Variants in NME7 observed in about 807,000 individuals in gnomAD.
NME7 encodes the protein nucleoside diphosphate kinase 7.
In NME7, 41 loss-of-function variants were observed where a neutral mutation model predicts 49.1. The ratio of observed to expected loss-of-function variants is 0.83; its 90% CI spans 0.65 to 1.08. NME7 has a LOEUF of 1.08. NME7 is among the 50% of genes least tolerant of loss of function. The pLI is 0.00. For missense variants in NME7, 423 were observed against 463.4 expected (o/e 0.91, Z 0.80); for synonymous variants, 139 against 150.6 (o/e 0.92, Z 0.56).
At chr1:169,218,318 T>G (rs1451563891) in intron 10 of NME7, among the ~76,000 whole-genome samples, 1 of 152,124 alleles carries the variant, frequency 6.6e-6, no homozygotes, top group East Asian at 1.9e-4. Context: ...CTGGACCAGG[T>G]GCAGTGACTC....
At chr1:169,321,589 G>A (rs529179592) in intron 3 of NME7, among the ~76,000 whole-genome samples, 16 of 152,046 alleles carry the variant, frequency 1.1e-4, no homozygotes, top group Non-Finnish European at 1.8e-4. Context: ...TGAAATTTCT[G>A]TCCTATTTCA....
chr1:169,253,003 C>G lies in NME7; in HGVS notation c.755-15316G>C, dbSNP rs1190481731. ...TTTGAAGTCAGGTAGTGTGATGCTTCCAGCTTTGTTCTTTTGGCTTAGGAT... is the reference window on the plus strand; with the variant it reads ...TTTGAAGTCAGGTAGTGTGATGCTTGCAGCTTTGTTCTTTTGGCTTAGGAT... On this transcript the variant is annotated intron_variant, in intron 7 of 11. Coordinates refer to ENST00000367811, the MANE Select transcript of NME7 (RefSeq NM_013330.5). 4.0e-5 allele frequency among the ~76,000 whole-genome samples: 6 copies of G among 150,142 alleles called. No individual in the cohort carries two copies. The South Asian group carries it at 1.3e-3, about 31-fold the overall frequency.
intron 11 of NME7, among the ~76,000 whole-genome samples, chr1:169,167,998 T>G (rs1016105981): frequency 1.3e-5 from 2 of 152,140 alleles, no homozygotes; most frequent in Non-Finnish European, 2.9e-5. Context: ...TAACTGTCTC[T>G]CTGAAGTAAT....
chr1:169,345,994 T>C (rs929492291), intron 1 of NME7, among the ~76,000 whole-genome samples: 2 of 152,136 alleles, frequency 1.3e-5, no homozygotes, highest in African/African-American at 4.8e-5. Context: ...TCTCAGACCA[T>C]AGATCTAATT....
chr1:169,133,950 G>A (rs1322539716), intron 11 of NME7, among the ~76,000 whole-genome samples: 1 of 152,222 alleles, frequency 6.6e-6, no homozygotes, highest in Non-Finnish European at 1.5e-5. Flanking sequence ...CGACCTTGGT[G>A]AGACTTAACC....
At position 169,310,208 on chromosome 1, in the gene NME7, A is replaced by T. The variant is rs570427297; in HGVS notation, c.279-128T>A. On this transcript the variant is annotated intron_variant, in intron 3 of 11. Transcript: ENST00000367811. The stretch of plus-strand genomic sequence containing the variant: ...AAATTTGAAATTAATTGTATAGAAA[A>T]GTGTATTAAAGACATCCCTTAAAAA... The T allele has an allele frequency of 5.1e-6, 3 of 591,510 alleles. No homozygotes were observed. In the South Asian group the frequency reaches 6.6e-5, roughly 13 times the overall value. The allele number at this position is 591,510 out of a possible 1,614,324, so 36.6% of individuals were successfully genotyped here.
chr1:169,303,040 C>T (rs1309491377), intron 5 of NME7, 105 bp downstream of exon 5: 3 of 680,886 alleles, frequency 4.4e-6, no homozygotes, highest in Non-Finnish European at 7.8e-6. Flanking sequence ...TTGCTATGGC[C>T]CTTTTGACAG....
At chr1:169,361,962 C>T (rs1332842360) in intron 1 of NME7, among the ~76,000 whole-genome samples, 1 of 152,030 alleles carries the variant, frequency 6.6e-6, no homozygotes, top group Non-Finnish European at 1.5e-5. Context: ...AATCCCAGCA[C>T]TTGGGGAAGC....
intron 11 of NME7, among the ~76,000 whole-genome samples, chr1:169,146,476 G>A (rs558213336): frequency 1.3e-5 from 2 of 152,278 alleles, no homozygotes; most frequent in South Asian, 4.1e-4. Context: ...AAATCAGGTG[G>A]TGTACCTAAG....
At chr1:169,211,676 A>C (rs557080818) in intron 10 of NME7, among the ~76,000 whole-genome samples, 1 of 152,302 alleles carries the variant, frequency 6.6e-6, no homozygotes, top group East Asian at 1.9e-4. Context: ...TGAGAGCAAC[A>C]ATGTGAAGAT....
intron 10 of NME7, among the ~76,000 whole-genome samples, chr1:169,186,383 G>A (rs12127305): frequency 0.37 from 56,420 of 151,958 alleles, 11,046 homozygotes; most frequent in East Asian, 0.73. Context: ...GCTCTGAGGG[G>A]TTTGACTATG....
chr1:169,309,349 G>A (rs1408225594), intron 4 of NME7, among the ~76,000 whole-genome samples: 1 of 152,096 alleles, frequency 6.6e-6, no homozygotes, highest in African/African-American at 2.4e-5. Context: ...AGTTAAGACT[G>A]GTTAGAACCA....
intron 7 of NME7, among the ~76,000 whole-genome samples, chr1:169,251,873 C>T (rs1648640290): frequency 6.6e-6 from 1 of 151,702 alleles, no homozygotes. Context: ...ATCCATGTCC[C>T]TACAAAGGAC....
intron 3 of NME7, among the ~76,000 whole-genome samples, chr1:169,319,939 C>G (rs1473317459): frequency 1.3e-5 from 2 of 152,086 alleles, no homozygotes. Context: ...CATTATTTTT[C>G]ATTGATTTTT....
chr1:169,318,663 G>A (rs1482067196), intron 3 of NME7, among the ~76,000 whole-genome samples: 1 of 152,058 alleles, frequency 6.6e-6, no homozygotes, highest in Non-Finnish European at 1.5e-5. Context: ...AAACGTTCAG[G>A]AAAAAGCTTA....
At chr1:169,168,995 G>T in intron 11 of NME7, 1 of 436,126 alleles carries the variant, frequency 2.3e-6, no homozygotes. Flanking sequence ...GCAATTTATG[G>T]TGATGGTATA....
intron 10 of NME7, among the ~76,000 whole-genome samples, chr1:169,181,997 A>G (rs1487066689): frequency 1.3e-5 from 2 of 151,800 alleles, no homozygotes; most frequent in Non-Finnish European, 2.9e-5. Context: ...CACTACTATC[A>G]TATATCTTTA....
rs1366142784 is a variant in NME7, at chr1:169,258,405, TACAC to T, written c.755-20722_755-20719del. ...ATATATATATATATATATATATATA[TACAC>T]ACACACACACACACATACACACACA... is the stretch of plus-strand genomic sequence containing the variant. On this transcript the variant is annotated intron_variant, in intron 7 of 11. Transcript: ENST00000367811. 2.9e-5 allele frequency among the ~76,000 whole-genome samples: 2 copies of T among 68,786 alleles called. 1 individual carries two copies. Among genetic ancestry groups the T allele is most frequent in the Non-Finnish European group, 5.9e-5 (2 of 34,084 alleles). 45.1% of individuals were successfully genotyped at this position (68,786 alleles called of 152,430 possible). A position where few individuals can be genotyped will look rare whatever the true frequency, so the allele number is the denominator to read the frequency against.
chr1:169,294,279 C>T (rs540795522), intron 6 of NME7, among the ~76,000 whole-genome samples: 1 of 152,128 alleles, frequency 6.6e-6, no homozygotes, highest in East Asian at 1.9e-4. Context: ...TGCACAATAC[C>T]AGCATCTGAA....
Sources: gnomAD v4.1 joint callset for allele counts (sites outside exome capture counted in the v4.1 genomes callset) on GRCh38, gnomAD v4.1.1 for gene constraint, MANE v1.5 for transcripts, NCBI Gene and HGNC (gene_info 2026-07-23, HGNC 2026-07-21) for gene names.